The following PAK5 variants were observed in gnomAD, a reference collection of about 807,000 sequenced individuals.
PAK5 encodes p21 (RAC1) activated kinase 5.
Under a neutral mutation model 65.9 loss-of-function variants are expected in PAK5, and 16 were observed. The observed-to-expected ratio is 0.24, with a 90% CI of 0.16 to 0.37. The LOEUF (loss-of-function observed/expected upper bound fraction) is 0.37. PAK5 is among the 10% of genes least tolerant of loss of function. The pLI is 1.00. For missense variants in PAK5, 785 were observed against 903.9 expected, an observed-to-expected ratio of 0.87 and a Z score of 1.69; for synonymous variants, 371 against 354.9, an observed-to-expected ratio of 1.05 and a Z score of -0.51.
intron 1 of PAK5, among the ~76,000 whole-genome samples, chr20:9,742,098 C>T (rs961069409): frequency 6.6e-6 from 1 of 152,114 alleles, no homozygotes; most frequent in Non-Finnish European, 1.5e-5. Flanking sequence ...ATCCAACCCT[C>T]ACCACCCAAG....
At chr20:9,634,561 G>C (rs1054134407) in intron 3 of PAK5, among the ~76,000 whole-genome samples, 1 of 152,186 alleles carries the variant, frequency 6.6e-6, no homozygotes, top group African/African-American at 2.4e-5. Context: ...GTGAGAAAGA[G>C]ACATTTATGG....
At chr20:9,683,383 T>C (rs1428429617) in intron 2 of PAK5, among the ~76,000 whole-genome samples, 1 of 152,250 alleles carries the variant, frequency 6.6e-6, no homozygotes, top group Non-Finnish European at 1.5e-5. Flanking sequence ...CAGAAAGTGA[T>C]GCTGCCTATT....
intron 3 of PAK5, among the ~76,000 whole-genome samples, chr20:9,624,602 G>T (rs1376508982): frequency 6.6e-6 from 1 of 151,832 alleles, no homozygotes; most frequent in Non-Finnish European, 1.5e-5. Flanking sequence ...ATGTGCTAGT[G>T]TTCCCATTAT....
At chr20:9,736,241 T>C (rs1484482464) in intron 1 of PAK5, among the ~76,000 whole-genome samples, 3 of 152,052 alleles carry the variant, frequency 2.0e-5, no homozygotes, top group African/African-American at 7.2e-5. Context: ...GGAAATGATC[T>C]AAAATAAATG....
intron 3 of PAK5, among the ~76,000 whole-genome samples, chr20:9,630,723 G>C (rs1351713145): frequency 6.6e-6 from 1 of 152,220 alleles, no homozygotes; most frequent in Non-Finnish European, 1.5e-5. Context: ...AGAACCCTGA[G>C]GGAGGAGCCT....
At chr20:9,661,074 A>G (rs2047339592) in intron 2 of PAK5, among the ~76,000 whole-genome samples, 1 of 152,158 alleles carries the variant, frequency 6.6e-6, no homozygotes, top group Non-Finnish European at 1.5e-5. Flanking sequence ...CTCAAGTCTG[A>G]GCAGCTGTGA....
At chr20:9,764,816 T>C (rs1432202489) in intron 1 of PAK5, among the ~76,000 whole-genome samples, 2 of 152,164 alleles carry the variant, frequency 1.3e-5, no homozygotes, top group Non-Finnish European at 2.9e-5. Flanking sequence ...AGGGTGGAAA[T>C]GCATAGAACT....
chr20:9,605,176 C>T (rs1349856511), intron 3 of PAK5, among the ~76,000 whole-genome samples: 3 of 152,166 alleles, frequency 2.0e-5, no homozygotes, highest in East Asian at 3.9e-4. Flanking sequence ...GTCAGAGAAG[C>T]GGGGGTATTT....
At chr20:9,579,784 G>C (rs1287722542) in intron 4 of PAK5, among the ~76,000 whole-genome samples, 1 of 152,124 alleles carries the variant, frequency 6.6e-6, no homozygotes, top group African/African-American at 2.4e-5. Flanking sequence ...TCGATCTAAT[G>C]CTCTATGATT....
At chr20:9,603,586 T>C (rs944308967) in intron 3 of PAK5, among the ~76,000 whole-genome samples, 6 of 152,278 alleles carry the variant, frequency 3.9e-5, no homozygotes, top group African/African-American at 1.4e-4. Context: ...ATACCCCAAC[T>C]GGTACGTTAG....
chr20:9,677,094 G>T lies in PAK5; in HGVS notation c.-11-32755C>A, dbSNP rs55867121. 2.7e-5 allele frequency among the ~76,000 whole-genome samples: 4 copies of T among 149,150 alleles called. No homozygotes were observed. The South Asian group carries it at 8.5e-4, about 32-fold the overall frequency. On this transcript the variant is annotated intron_variant, in intron 2 of 9. Coordinates refer to ENST00000353224, the MANE Select transcript of PAK5 (RefSeq NM_177990.4). ...GTGTGTGTGTGTGTGTGTGTTTGTT[G>T]TTATAATTATTTTGCATGGAAGACA...
intron 3 of PAK5, among the ~76,000 whole-genome samples, chr20:9,581,848 C>T (rs1301727345): frequency 2.6e-5 from 4 of 152,164 alleles, no homozygotes. Flanking sequence ...GTTGTGACTT[C>T]AGACTTCCAG....
chr20:9,638,751 A>C lies in PAK5; in HGVS notation c.204+5374T>G, dbSNP rs150299158. 1.8e-4 allele frequency among the ~76,000 whole-genome samples: 28 copies of C among 152,286 alleles called. No individual in the cohort carries two copies. The East Asian group carries it at 4.1e-3, about 22-fold the overall frequency. On this transcript the variant is annotated intron_variant, in intron 3 of 9. Coordinates refer to ENST00000353224, the MANE Select transcript of PAK5 (RefSeq NM_177990.4). ...AGAGGTGTGTCCTGGTAAGCGTGAC[A>C]ATGGGTAAGCCTGAGGTTCTAAACA...
At chr20:9,602,829 GT>G (rs2046385193) in intron 3 of PAK5, among the ~76,000 whole-genome samples, 1 of 152,200 alleles carries the variant, frequency 6.6e-6, no homozygotes, top group Admixed American at 6.5e-5. Context: ...AACTGTACAT[GT>G]AACAGAGCTT....
intron 1 of PAK5, among the ~76,000 whole-genome samples, chr20:9,736,462 A>C (rs181365434): frequency 8.1e-4 from 123 of 152,314 alleles, no homozygotes; most frequent in Middle Eastern, 3.4e-3. Context: ...TCAAATTAAA[A>C]ATTTTTTAAG....
chr20:9,681,221 AT>A (rs552815890), intron 2 of PAK5, among the ~76,000 whole-genome samples: 54 of 151,782 alleles, frequency 3.6e-4, no homozygotes, highest in African/African-American at 1.2e-3. Context: ...TTTTAATTTT[AT>A]TTTTTTGCAT....
intron 1 of PAK5, among the ~76,000 whole-genome samples, chr20:9,837,635 A>G (rs553877485): frequency 6.6e-4 from 101 of 152,292 alleles, no homozygotes; most frequent in African/African-American, 2.3e-3. Flanking sequence ...TTGTCCATCT[A>G]TATCAGGTAA....
chr20:9,564,815 G>A (rs925752028), intron 5 of PAK5, among the ~76,000 whole-genome samples: 1 of 151,962 alleles, frequency 6.6e-6, no homozygotes, highest in Non-Finnish European at 1.5e-5. Flanking sequence ...ACATGTATAC[G>A]ATAAAAGATT....
At position 9,566,203 on chromosome 20, in the gene PAK5, C is replaced by A; in HGVS notation, c.1172G>T (p.Ser391Ile). Residue 391 changes from serine (S) to isoleucine (I), a missense_variant, in exon 5 of 10, where the codon AGT (serine) becomes ATT (isoleucine). Coordinates refer to ENST00000353224, the MANE Select transcript of PAK5 (RefSeq NM_177990.4). The stretch of plus-strand genomic sequence containing the variant: ...GGAAGCCGTGGAGATGTACTGCGAA[C>A]TGCTCTGCAGGGAGGGGTGATGGTA... ...TLYHHPSLQS[S>I]SQYISTASYL... 1.2e-6 allele frequency: 2 copies of A among 1,613,918 alleles called. No homozygotes were observed. Among genetic ancestry groups the A allele is most frequent in the Non-Finnish European group, 1.7e-6 (2 of 1,179,986 alleles).
Sources: allele counts gnomAD v4.1 joint callset (sites outside exome capture counted in the v4.1 genomes callset), GRCh38; gene constraint gnomAD v4.1.1; transcripts MANE v1.5; gene names NCBI Gene and HGNC (gene_info 2026-07-23, HGNC 2026-07-21).